ABCC5: variants seen among roughly 807,000 people sequenced by gnomAD.
ABCC5 encodes ATP-binding cassette sub-family C member 5.
Under a neutral mutation model 160.9 loss-of-function variants are expected in ABCC5, and 61 were observed. That is an observed-to-expected ratio of 0.38 (90% CI 0.31 to 0.47). The LOEUF is 0.47. Ranked by LOEUF, ABCC5 falls within the 20% of genes least tolerant of loss-of-function variation. ABCC5 has a pLI of 0.99. For missense variants in ABCC5, 1,308 were observed against 1,813.3 expected, an observed-to-expected ratio of 0.72 and a Z score of 5.06; for synonymous variants, 666 against 700.6, an observed-to-expected ratio of 0.95 and a Z score of 0.78.
intron 16 of ABCC5, among the ~76,000 whole-genome samples, chr3:183,961,089 T>C (rs929083392): frequency 1.3e-5 from 2 of 152,196 alleles, no homozygotes; most frequent in African/African-American, 4.8e-5. Context: ...GCACCTGACC[T>C]GAGTGCTTTC....
At position 183,978,545 on chromosome 3, in the gene ABCC5, G is replaced by A; in HGVS notation, c.1254C>T (p.Phe418=). ...IVVVIASVVT[F]SVHMTLGFDL... ...CGAAGCCCAGGGTCATATGAACAGAGAAGGTCACCACGCTGGCAATCACCA... is the reference window on the plus strand; with the variant it reads ...CGAAGCCCAGGGTCATATGAACAGAAAAGGTCACCACGCTGGCAATCACCA... Residue 418 remains phenylalanine, a synonymous_variant, in exon 9 of 30, where the codon TTC becomes TTT. Transcript: ENST00000334444. The A allele has an allele frequency of 6.2e-7, 1 of 1,614,142 alleles. No individual in the cohort carries two copies. Among genetic ancestry groups the A allele is most frequent in the African/African-American group, 1.3e-5 (1 of 75,046 alleles).
Position 183,928,780 on chromosome 3 carries a change from C to T in ABCC5, c.3900G>A (p.Trp1300Ter), listed in dbSNP as rs1285316765. Reference protein sequence around the residue: ...PFNQYTEDQIWDALERTHMKE... With the variant: ...PFNQYTEDQI The stretch of plus-strand genomic sequence containing the variant: ...TCATGTGTGTCCTCTCCAGGGCATC[C>T]CAAATCTGGTCTTCAGTGTACTGGT... The change falls in exon 27 of 30, where the codon TGG (tryptophan) becomes TGA (stop). Residue 1300 changes from tryptophan (W) to a stop codon, truncating the protein, a stop_gained. Coordinates refer to ENST00000334444, the MANE Select transcript of ABCC5 (RefSeq NM_005688.4). LOFTEE classifies it high-confidence loss of function. 1 of 1,614,094 alleles carries T rather than the reference C, an allele frequency of 6.2e-7. No homozygotes were observed. The highest frequency in any genetic ancestry group is 1.7e-5 in the Admixed American group (1 of 60,020).
intron 10 of ABCC5, among the ~76,000 whole-genome samples, chr3:183,972,730 C>T (rs1395692090): frequency 2.0e-5 from 3 of 152,138 alleles, no homozygotes; most frequent in African/African-American, 7.2e-5. Context: ...CTGCAACCTC[C>T]ACCTCCCAGG....
rs1560003575 is a variant in ABCC5, at chr3:183,956,135, CGGTT to C, written c.2483-2869_2483-2866del. Reference sequence around the variant, plus strand: ...ATGCAGCTCCGTGTGTATATCACATCGGTTACATGCAGATCCGTGTGTAAATCAC... The same window carrying C: ...ATGCAGCTCCGTGTGTATATCACATCACATGCAGATCCGTGTGTAAATCAC... On this transcript the variant is annotated intron_variant, in intron 17 of 29. Coordinates refer to ENST00000334444, the MANE Select transcript of ABCC5 (RefSeq NM_005688.4). Among the ~76,000 whole-genome samples, 51 of 129,352 alleles carry C rather than the reference CGGTT, an allele frequency of 3.9e-4. 6 individuals carry two copies. The highest frequency in any genetic ancestry group is 1.4e-3 in the African/African-American group (50 of 36,236). 84.9% of individuals were successfully genotyped at this position (129,352 alleles called of 152,430 possible).
chr3:183,950,656 CT>C (rs1715263195), intron 20 of ABCC5, among the ~76,000 whole-genome samples: 1 of 152,154 alleles, frequency 6.6e-6, no homozygotes, highest in Non-Finnish European at 1.5e-5. Flanking sequence ...CTATTATTTA[CT>C]TTTTTTCTTT....
chr3:183,988,599 T>C lies in ABCC5; in HGVS notation c.416A>G (p.His139Arg), dbSNP rs780695174. The C allele has an allele frequency of 3.1e-6, 5 of 1,614,194 alleles. No homozygotes were observed. Among genetic ancestry groups the C allele is most frequent in the Middle Eastern group, 1.7e-4 (1 of 6,060 alleles). ...SMEDVWSLSK[H>R]ESSDVNCRRL... Reference sequence around the variant, plus strand: ...TCTGCAGTTCACGTCAGAAGACTCGTGCTTGGACAGAGACCACACGTCTTC... The same window carrying C: ...TCTGCAGTTCACGTCAGAAGACTCGCGCTTGGACAGAGACCACACGTCTTC... The change falls in exon 4 of 30, where the codon CAC (histidine) becomes CGC (arginine). Residue 139 changes from histidine to arginine, a missense_variant. His to Arg is a conservative substitution (Grantham distance 29, BLOSUM62 0). Coordinates refer to ENST00000334444, the MANE Select transcript of ABCC5 (RefSeq NM_005688.4). The surrounding 1 kb of genome is among the most constrained non-coding windows in gnomAD (Gnocchi z 4.4).
intron 5 of ABCC5, chr3:183,983,857 C>T (rs1274490366): frequency 4.1e-6 from 4 of 985,474 alleles, no homozygotes; most frequent in African/African-American, 1.7e-5. Context: ...CAGTAACATA[C>T]ATTGAAACAT....
At position 183,963,665 on chromosome 3, in the gene ABCC5, C is replaced by G. The variant is rs550602814; in HGVS notation, c.2032-77G>C. ...GTGGAGGGGTCACCCAGTCACTTCTCTTCTTGCCCACCCAGACCAGCTCCT... is the reference window on the plus strand; with the variant it reads ...GTGGAGGGGTCACCCAGTCACTTCTGTTCTTGCCCACCCAGACCAGCTCCT... On this transcript the variant is annotated intron_variant, in intron 14 of 29. Transcript: ENST00000334444. This position sits in a 1 kb window ranked among gnomAD's most constrained non-coding sequence, Gnocchi z 4.6. 7.0e-7 allele frequency: 1 copy of G among 1,420,042 alleles called. No homozygotes were observed. The highest frequency in any genetic ancestry group is 1.4e-5 in the African/African-American group (1 of 70,984). The allele number at this position is 1,420,042 out of a possible 1,614,324, so 88.0% of individuals were successfully genotyped here.
intron 17 of ABCC5, among the ~76,000 whole-genome samples, chr3:183,958,024 G>A (rs1365040189): frequency 6.8e-6 from 1 of 147,878 alleles, no homozygotes; most frequent in African/African-American, 2.5e-5. Flanking sequence ...ACATCACATC[G>A]GTTACATGCA....
In ABCC5 at chr3:183,927,870, A is replaced by G. The variant is rs369921883; in HGVS notation, c.3934-427T>C. 2.7e-5 allele frequency: 26 copies of G among 958,068 alleles called. No individual in the cohort carries two copies. The Middle Eastern group carries it at 2.1e-3, about 79-fold the overall frequency. 59.3% of individuals were successfully genotyped at this position (958,068 alleles called of 1,614,324 possible). ...AGAACTTATTCTTCAAATGAGAAGA[A>G]TCCCGATAGAGCAGAGGAAAAAACA... is the stretch of plus-strand genomic sequence containing the variant. On this transcript the variant is annotated intron_variant, in intron 27 of 29. Transcript: ENST00000334444.
intron 24 of ABCC5, among the ~76,000 whole-genome samples, chr3:183,944,359 C>A (rs1714643089): frequency 6.6e-6 from 1 of 151,622 alleles, no homozygotes; most frequent in South Asian, 2.1e-4. Flanking sequence ...CATGCCACTG[C>A]ACTCAAGCCT....
At chr3:183,990,857 C>G (rs1719702140) in intron 2 of ABCC5, among the ~76,000 whole-genome samples, 4 of 152,200 alleles carry the variant, frequency 2.6e-5, no homozygotes, top group Non-Finnish European at 5.9e-5. Context: ...ACACACTTAT[C>G]CCCCGTTTAC....
chr3:183,951,318 C>T lies in ABCC5; in HGVS notation c.2944+123G>A. On this transcript the variant is annotated intron_variant, in intron 20 of 29. Transcript: ENST00000334444. The surrounding 1 kb of genome is among the most constrained non-coding windows in gnomAD (Gnocchi z 4.7). ...GCAGTTGCAATGTTCCTGGTGAAAA[C>T]ACCAGCAGTCACTGTGCTCTCAGGA... 4 of 1,311,766 alleles carry T rather than the reference C, an allele frequency of 3.0e-6. No homozygotes were observed. Among genetic ancestry groups the T allele is most frequent in the East Asian group, 2.4e-5 (1 of 41,862 alleles). The allele number at this position is 1,311,766 out of a possible 1,614,324, so 81.3% of individuals were successfully genotyped here. A position where few individuals can be genotyped will look rare whatever the true frequency, so the allele number is the denominator to read the frequency against.
At chr3:184,014,843 A>T (rs985046356) in intron 1 of ABCC5, among the ~76,000 whole-genome samples, 1 of 152,210 alleles carries the variant, frequency 6.6e-6, no homozygotes, top group South Asian at 2.1e-4. Flanking sequence ...CACAATTTTA[A>T]AGTGGACATC....
intron 18 of ABCC5, 32 bp downstream of exon 18, chr3:183,953,054 C>A: frequency 6.3e-7 from 1 of 1,595,422 alleles, no homozygotes; most frequent in South Asian, 1.1e-5. Context: ...CATTCTTAGA[C>A]ACAGAACTTT....
intron 5 of ABCC5, chr3:183,984,864 C>G: frequency 6.3e-7 from 1 of 1,584,886 alleles, no homozygotes; most frequent in African/African-American, 1.3e-5. Flanking sequence ...CCACACACCT[C>G]GGCACTGATG....
At chr3:183,931,160 T>C (rs866878563) in intron 26 of ABCC5, among the ~76,000 whole-genome samples, 71 of 152,252 alleles carry the variant, frequency 4.7e-4, no homozygotes, top group African/African-American at 1.6e-3. Flanking sequence ...TTGCAAAATA[T>C]AGTATGTAAT....
intron 18 of ABCC5, 84 bp downstream of exon 18, chr3:183,953,001 AC>A: frequency 7.2e-7 from 1 of 1,387,690 alleles, no homozygotes; most frequent in Non-Finnish European, 9.8e-7. Context: ...GAAAACTAGA[AC>A]AGTTTCCCTA....
chr3:183,937,522 C>T (rs1713857273), intron 26 of ABCC5, among the ~76,000 whole-genome samples: 1 of 152,198 alleles, frequency 6.6e-6, no homozygotes. Flanking sequence ...AGGCCCTGTG[C>T]TTATATAATT....
Sources: gnomAD v4.1 joint callset for allele counts (sites outside exome capture counted in the v4.1 genomes callset) on GRCh38, gnomAD v4.1.1 for gene constraint, Gnocchi (gnomAD v3.1) non-coding constraint, MANE v1.5 for transcripts, NCBI Gene and HGNC (gene_info 2026-07-23, HGNC 2026-07-21) for gene names.